The following GALNT13 variants were observed in gnomAD, a reference collection of about 807,000 sequenced individuals.
GALNT13 encodes polypeptide N-acetylgalactosaminyltransferase 13.
A neutral mutation model predicts 64.2 loss-of-function variants in GALNT13; 28 were observed. The ratio of observed to expected loss-of-function variants is 0.44; its 90% CI spans 0.32 to 0.60. The LOEUF (loss-of-function observed/expected upper bound fraction) is 0.60, where lower values mean the gene tolerates loss of function less well. Among genes scored for constraint, GALNT13 ranks in the 20% least tolerant of loss-of-function variants. GALNT13 has a pLI of 0.05. For synonymous variants in GALNT13, 214 were observed against 224.6 expected (o/e 0.95, Z 0.42); for missense variants, 577 against 669.8 (o/e 0.86, Z 1.53).
intron 6 of GALNT13, among the ~76,000 whole-genome samples, chr2:154,243,677 G>A (rs1384731747): frequency 2.6e-5 from 4 of 152,110 alleles, no homozygotes; most frequent in Non-Finnish European, 5.9e-5. Flanking sequence ...ATAAACACTG[G>A]TGATAAGAGA....
the GALNT13 span, among the ~76,000 whole-genome samples, chr2:153,841,027 C>G: frequency 1.3e-5 from 2 of 152,066 alleles, no homozygotes; most frequent in Non-Finnish European, 2.9e-5. Context: ...GTTCTAAACT[C>G]TCATGATTCT....
the GALNT13 span, among the ~76,000 whole-genome samples, chr2:153,288,331 A>G: frequency 6.6e-6 from 1 of 152,228 alleles, no homozygotes; most frequent in East Asian, 1.9e-4. Context: ...ATTTATGTGC[A>G]TCGGTAGTCT....
chr2:154,448,711 A>T (rs548909718), intron 12 of GALNT13, among the ~76,000 whole-genome samples: 1 of 152,114 alleles, frequency 6.6e-6, no homozygotes, highest in Admixed American at 6.6e-5. Context: ...TTAAAGAAAA[A>T]TCTCCCTAAG....
At chr2:154,402,100 AAAT>A (rs1699327612) in intron 10 of GALNT13, among the ~76,000 whole-genome samples, 1 of 152,198 alleles carries the variant, frequency 6.6e-6, no homozygotes, top group South Asian at 2.1e-4. Context: ...GACATTTGTA[AAAT>A]AATGATAAAA....
chr2:154,288,032 A>G (rs568360366), intron 8 of GALNT13, among the ~76,000 whole-genome samples: 1 of 152,244 alleles, frequency 6.6e-6, no homozygotes, highest in Admixed American at 6.5e-5. Flanking sequence ...TAGTAAAGAC[A>G]TACCCAAGAC....
chr2:153,346,408 G>T, the GALNT13 span, among the ~76,000 whole-genome samples: 1 of 152,108 alleles, frequency 6.6e-6, no homozygotes, highest in Non-Finnish European at 1.5e-5. Flanking sequence ...ATAATGGAGT[G>T]GTCATTGTAA....
intron 3 of GALNT13, among the ~76,000 whole-genome samples, chr2:154,085,629 C>A (rs1701483752): frequency 6.6e-6 from 1 of 152,082 alleles, no homozygotes; most frequent in Non-Finnish European, 1.5e-5. Flanking sequence ...AACTCTGCCT[C>A]AGTTTGCTCA....
At chr2:153,482,832 C>G in the GALNT13 span, among the ~76,000 whole-genome samples, 1 of 151,242 alleles carries the variant, frequency 6.6e-6, no homozygotes, top group Non-Finnish European at 1.5e-5. Context: ...GGGGATAACA[C>G]TTTACAGAAT....
the GALNT13 span, among the ~76,000 whole-genome samples, chr2:153,164,792 G>T: frequency 6.6e-6 from 1 of 152,002 alleles, no homozygotes; most frequent in African/African-American, 2.4e-5. Flanking sequence ...TCTTTATCTT[G>T]CATAATAGGA....
At chr2:153,853,065 C>T in the GALNT13 span, among the ~76,000 whole-genome samples, 1 of 152,118 alleles carries the variant, frequency 6.6e-6, no homozygotes, top group Non-Finnish European at 1.5e-5. Flanking sequence ...CCCTGGCAAA[C>T]CACTGGTGTA....
At chr2:154,140,201 T>G in intron 3 of GALNT13, 136 bp from the exon 4 acceptor site, 1 of 605,234 alleles carries the variant, frequency 1.7e-6, no homozygotes, top group Non-Finnish European at 2.8e-6. Context: ...TTATAATCAG[T>G]AAAATCTTGA....
chr2:154,092,789 A>T (rs537790779), intron 3 of GALNT13, among the ~76,000 whole-genome samples: 1 of 151,988 alleles, frequency 6.6e-6, no homozygotes, highest in African/African-American at 2.4e-5. Flanking sequence ...AATAGGAAAC[A>T]TATATTGAGT....
the GALNT13 span, among the ~76,000 whole-genome samples, chr2:153,710,393 A>C: frequency 6.6e-6 from 1 of 152,236 alleles, no homozygotes; most frequent in South Asian, 2.1e-4. Flanking sequence ...AGAAAATGAG[A>C]GTGAAAAAGT....
intron 9 of GALNT13, among the ~76,000 whole-genome samples, chr2:154,393,640 A>G (rs913946263): frequency 3.3e-5 from 5 of 152,234 alleles, no homozygotes; most frequent in African/African-American, 1.2e-4. Context: ...AACAAAAGCA[A>G]GTTGCAGTGG....
chr2:153,794,179 G>A, the GALNT13 span, among the ~76,000 whole-genome samples: 2 of 152,032 alleles, frequency 1.3e-5, no homozygotes, highest in South Asian at 4.2e-4. Flanking sequence ...TGAGATCTAG[G>A]TTAATAAACT....
upstream of GALNT13, among the ~76,000 whole-genome samples, chr2:153,868,345 G>C (rs557506251): frequency 2.0e-5 from 3 of 152,214 alleles, no homozygotes; most frequent in Non-Finnish European, 4.4e-5. Context: ...GAGTATAAAG[G>C]TTCTTATAGG....
At chr2:153,623,717 A>G in the GALNT13 span, among the ~76,000 whole-genome samples, 2 of 152,044 alleles carry the variant, frequency 1.3e-5, no homozygotes, top group African/African-American at 2.4e-5. Flanking sequence ...TTGAGAATTT[A>G]TATAAATGAA....
chr2:154,139,495 G>C (rs1558980711), intron 3 of GALNT13, among the ~76,000 whole-genome samples: 1 of 151,844 alleles, frequency 6.6e-6, no homozygotes, highest in Non-Finnish European at 1.5e-5. Flanking sequence ...GTCGAGACCA[G>C]AACCACATTC....
the GALNT13 span, among the ~76,000 whole-genome samples, chr2:153,669,386 T>G: frequency 6.6e-6 from 1 of 152,222 alleles, no homozygotes; most frequent in African/African-American, 2.4e-5. Context: ...ACATCCACAC[T>G]GCTGTCTATT....
Sources: gnomAD v4.1 joint callset for allele counts (sites outside exome capture counted in the v4.1 genomes callset) on GRCh38, gnomAD v4.1.1 for gene constraint, MANE v1.5 for transcripts, NCBI Gene and HGNC (gene_info 2026-07-23, HGNC 2026-07-21) for gene names.